The following AKR1E2 variants were observed in gnomAD, a reference collection of about 807,000 sequenced individuals.
The protein encoded by AKR1E2 is aldo-keto reductase family 1 member E2, also known as 1,5-anhydro-D-fructose reductase.
In AKR1E2, 43 loss-of-function variants were observed where a neutral mutation model predicts 41.9. That is an observed-to-expected ratio of 1.03 (90% CI 0.80 to 1.32). The LOEUF (loss-of-function observed/expected upper bound fraction) is 1.32. Ranked by LOEUF, AKR1E2 falls within the 40% of genes most tolerant of loss-of-function variation. The probability of loss-of-function intolerance (pLI) is 0.00; values close to 1 mark genes in which losing one functional copy is unlikely to be tolerated. For missense variants in AKR1E2, 423 were observed against 396.5 expected, an observed-to-expected ratio of 1.07 and a Z score of -0.57; for synonymous variants, 121 against 138.9, an observed-to-expected ratio of 0.87 and a Z score of 0.91.
intron 7 of AKR1E2, 23 bp from the exon 8 acceptor site, chr10:4,842,395 ATAG>A: frequency 6.2e-7 from 1 of 1,605,022 alleles, no homozygotes; most frequent in Non-Finnish European, 8.5e-7. Context: ...CCTTTGTGTG[ATAG>A]TAGACTTTTT....
chr10:4,847,914 C>T lies in AKR1E2; in HGVS notation c.*384C>T, dbSNP rs1223080210. On this transcript the variant is annotated 3_prime_UTR_variant, in exon 10 of 10. Transcript: ENST00000298375. ...CCACCCATTGTGCCCCAGGCCAGCCCGCGTCACCTACACTTCCTTCTGTGC... is the reference window on the plus strand; with the variant it reads ...CCACCCATTGTGCCCCAGGCCAGCCTGCGTCACCTACACTTCCTTCTGTGC... 2.7e-5 allele frequency: 5 copies of T among 186,428 alleles called. No homozygotes were observed. The highest frequency in any genetic ancestry group is 5.9e-5 in the Admixed American group (1 of 16,984). 11.5% of individuals were successfully genotyped at this position (186,428 alleles called of 1,614,324 possible).
intron 2 of AKR1E2, 98 bp downstream of exon 2, chr10:4,830,940 A>T (rs940248171): frequency 3.7e-5 from 53 of 1,429,386 alleles, no homozygotes; most frequent in Non-Finnish European, 7.7e-6. Context: ...TTTGTTTCAT[A>T]CTCAAATCGG....
chr10:4,835,293 A>C (rs1192329949), intron 3 of AKR1E2, among the ~76,000 whole-genome samples: 1 of 152,242 alleles, frequency 6.6e-6, no homozygotes, highest in African/African-American at 2.4e-5. Context: ...CAAGACCCTA[A>C]CAGTGGAGTT....
intron 9 of AKR1E2, 98 bp from the exon 10 acceptor site, chr10:4,847,390 T>C (rs1048492953): frequency 8.5e-6 from 13 of 1,528,938 alleles, no homozygotes; most frequent in Non-Finnish European, 8.9e-6. Flanking sequence ...GCTAATTTCA[T>C]GCACTGGGGA....
At chr10:4,867,401 A>G in the AKR1E2 span, among the ~76,000 whole-genome samples, 1 of 152,176 alleles carries the variant, frequency 6.6e-6, no homozygotes, top group African/African-American at 2.4e-5. Flanking sequence ...CGTCACCATG[A>G]GGGCCCTCCC....
intron 5 of AKR1E2, 81 bp from the exon 6 acceptor site, chr10:4,839,648 C>A: frequency 7.5e-7 from 1 of 1,341,794 alleles, no homozygotes; most frequent in Non-Finnish European, 1.1e-6. Flanking sequence ...ACAGCCAAGA[C>A]TTTGACGCAG....
the AKR1E2 span, chr10:4,871,869 A>G: frequency 2.0e-5 from 3 of 152,144 alleles, no homozygotes; most frequent in Non-Finnish European, 4.4e-5. Flanking sequence ...AAATCAATAA[A>G]CTCTGGAACA....
intron 8 of AKR1E2, among the ~76,000 whole-genome samples, chr10:4,844,807 TA>T (rs1834189164): frequency 6.6e-6 from 1 of 152,080 alleles, no homozygotes; most frequent in South Asian, 2.1e-4. Context: ...TAGCTAGACA[TA>T]AAGGTTTTCC....
downstream of AKR1E2, among the ~76,000 whole-genome samples, chr10:4,849,631 T>G (rs1834484595): frequency 1.3e-5 from 2 of 152,140 alleles, no homozygotes; most frequent in South Asian, 4.2e-4. Context: ...GGATGGCTGA[T>G]GAGGAGAGGT....
chr10:4,841,832 A>G lies in AKR1E2; in HGVS notation c.728A>G (p.Lys243Arg), dbSNP rs951444250. The G allele has an allele frequency of 7.4e-6, 12 of 1,613,618 alleles. No homozygotes were observed. The highest frequency in any genetic ancestry group is 1.0e-5 in the Non-Finnish European group (12 of 1,179,794). The change falls in exon 7 of 10, where the codon AAG (lysine) becomes AGG (arginine). Residue 243 changes from lysine (K) to arginine (R), a missense_variant. Transcript: ENST00000298375. The stretch of plus-strand genomic sequence containing the variant: ...AACCCTGTGATCAAGAGGATTGCAA[A>G]GGAGCACGGCAAGTCTCCTGCTCAG... ...IDNPVIKRIAKEHGKSPAQIL... is the reference protein window; with the variant it reads ...IDNPVIKRIAREHGKSPAQIL...
the AKR1E2 span, among the ~76,000 whole-genome samples, chr10:4,866,869 G>C: frequency 2.6e-5 from 4 of 152,188 alleles, no homozygotes; most frequent in East Asian, 7.7e-4. Flanking sequence ...CACAATATCA[G>C]ATGAGTCAGT....
chr10:4,829,399 A>C (rs75274222), intron 1 of AKR1E2, among the ~76,000 whole-genome samples: 5,308 of 152,242 alleles, frequency 0.035, 149 homozygotes, highest in East Asian at 0.11. Flanking sequence ...TATTTTACTT[A>C]TGAATTTTGC....
rs1214891777 is a variant in AKR1E2, at chr10:4,833,438, A to G, written c.296A>G (p.Tyr99Cys). Reference protein sequence around the residue: ...KALKLNYLDLYLIHWPMGFKP... With the variant: ...KALKLNYLDLCLIHWPMGFKP... ...TTGAAGCTGAACTATTTGGACCTCT[A>G]CCTCATACACTGGCCCATGGGTTTC... The change falls in exon 3 of 10, where the codon TAC (tyrosine) becomes TGC (cysteine). Residue 99 changes from tyrosine (Y) to cysteine (C), a missense_variant. Physicochemically the swap from Tyr to Cys is radical, Grantham distance 194. Coordinates refer to ENST00000298375, the MANE Select transcript of AKR1E2 (RefSeq NM_001040177.3). 16 of 1,613,800 alleles carry G rather than the reference A, an allele frequency of 9.9e-6. No individual in the cohort carries two copies. In the Admixed American group the frequency reaches 1.0e-4, roughly 10 times the overall value.
chr10:4,852,249 C>A (rs910974084), downstream of AKR1E2, among the ~76,000 whole-genome samples: 2 of 152,126 alleles, frequency 1.3e-5, no homozygotes, highest in Admixed American at 1.3e-4. Context: ...ATATTTAAAT[C>A]AGAAGGAGAT....
intron 2 of AKR1E2, among the ~76,000 whole-genome samples, chr10:4,831,750 A>C (rs533475088): frequency 6.6e-5 from 10 of 152,314 alleles, no homozygotes; most frequent in African/African-American, 2.4e-4. Context: ...TGAGTGGTGG[A>C]TAGGCTAAGC....
At chr10:4,862,620 G>A in the AKR1E2 span, among the ~76,000 whole-genome samples, 7 of 152,260 alleles carry the variant, frequency 4.6e-5, no homozygotes, top group East Asian at 5.8e-4. Context: ...GCACTGGTTT[G>A]TAGTTCTCTT....
intron 9 of AKR1E2, 51 bp downstream of exon 9, chr10:4,847,281 ATGAT>A (rs1834404915): frequency 6.2e-7 from 1 of 1,610,828 alleles, no homozygotes; most frequent in Non-Finnish European, 8.5e-7. Context: ...TACAGATTGA[ATGAT>A]TGGTGTCTGA....
chr10:4,844,126 G>A (rs1423080918), intron 8 of AKR1E2, among the ~76,000 whole-genome samples: 3 of 152,220 alleles, frequency 2.0e-5, no homozygotes, highest in African/African-American at 7.2e-5. Flanking sequence ...AGTTCTTAAA[G>A]GTGGTGTGTC....
chr10:4,842,849 T>G (rs930239658), intron 8 of AKR1E2, among the ~76,000 whole-genome samples: 3 of 152,150 alleles, frequency 2.0e-5, no homozygotes, highest in Non-Finnish European at 4.4e-5. Context: ...GGATGTCTCC[T>G]AAGCGTGCAC....
Sources: allele counts gnomAD v4.1 joint callset (sites outside exome capture counted in the v4.1 genomes callset), GRCh38; gene constraint gnomAD v4.1.1; transcripts MANE v1.5; gene names NCBI Gene and HGNC (gene_info 2026-07-23, HGNC 2026-07-21).